ZBTB20: variants seen among roughly 807,000 people sequenced by gnomAD.
ZBTB20 encodes the protein zinc finger and BTB domain containing 20.
Under a neutral mutation model 56.9 loss-of-function variants are expected in ZBTB20, and 9 were observed. The ratio of observed to expected loss-of-function variants is 0.16; its 90% CI spans 0.10 to 0.28. ZBTB20 has a LOEUF of 0.28. Among genes scored for constraint, ZBTB20 ranks in the 10% least tolerant of loss-of-function variants. The pLI, the probability that ZBTB20 is intolerant of heterozygous loss-of-function variation, is 1.00. For synonymous variants in ZBTB20, 417 were observed against 420.7 expected (o/e 0.99, Z 0.11); for missense variants, 655 against 1,003.0 (o/e 0.65, Z 4.69).
intron 4 of ZBTB20, among the ~76,000 whole-genome samples, chr3:114,884,393 T>G (rs1295964805): frequency 6.6e-6 from 1 of 152,220 alleles, no homozygotes; most frequent in African/African-American, 2.4e-5. Context: ...GTTTTTCAAA[T>G]GTTCACAGTA....
At chr3:114,525,525 C>T (rs1203773406) in intron 6 of ZBTB20, among the ~76,000 whole-genome samples, 1 of 152,162 alleles carries the variant, frequency 6.6e-6, no homozygotes, top group Admixed American at 6.5e-5. Context: ...GGTCTTACTT[C>T]TCGGATGGTT....
At chr3:115,033,551 T>A (rs2080791318) in intron 2 of ZBTB20, among the ~76,000 whole-genome samples, 1 of 151,672 alleles carries the variant, frequency 6.6e-6, no homozygotes, top group Non-Finnish European at 1.5e-5. Context: ...GAAATCAGTA[T>A]ATCAAAGAGG....
intron 10 of ZBTB20, among the ~76,000 whole-genome samples, chr3:114,357,822 T>G (rs1350415979): frequency 6.6e-6 from 1 of 152,206 alleles, no homozygotes; most frequent in Non-Finnish European, 1.5e-5. Context: ...TCCATTTACT[T>G]AAGTTGAGCT....
chr3:114,697,828 G>A (rs1158427376), intron 5 of ZBTB20, among the ~76,000 whole-genome samples: 1 of 152,022 alleles, frequency 6.6e-6, no homozygotes, highest in Non-Finnish European at 1.5e-5. Flanking sequence ...CTTATTCAGA[G>A]AAACAGTTCT....
chr3:114,407,109 T>C (rs1306304999), intron 7 of ZBTB20, among the ~76,000 whole-genome samples: 3 of 152,192 alleles, frequency 2.0e-5, no homozygotes, highest in Non-Finnish European at 4.4e-5. Context: ...CATAGCCAAC[T>C]GGCGTCACTG....
chr3:115,123,281 T>C (rs2084234197), intron 1 of ZBTB20, among the ~76,000 whole-genome samples: 1 of 152,156 alleles, frequency 6.6e-6, no homozygotes. Flanking sequence ...TCTTTCCCTA[T>C]ACCATTTTCC....
At position 114,533,168 on chromosome 3, in the gene ZBTB20, G is replaced by C. The variant is rs959089520; in HGVS notation, c.-294-32777C>G. On this transcript the variant is annotated intron_variant, in intron 6 of 11. Coordinates refer to ENST00000675478, the MANE Select transcript of ZBTB20 (RefSeq NM_001348800.3). The stretch of plus-strand genomic sequence containing the variant: ...GAGGAATTGACAGAAGTAGGCTTCA[G>C]AAGGTGGGTAATAACGAACTCCTCT... Among the ~76,000 whole-genome samples, 8 of 152,098 alleles carry C rather than the reference G, an allele frequency of 5.3e-5. No individual in the cohort carries two copies. The South Asian group carries it at 8.3e-4, about 16-fold the overall frequency.
rs139855943 is a variant in ZBTB20 at position 114,925,225 on chromosome 3, G to A, written c.-455-24883C>T. Among the ~76,000 whole-genome samples, 1,050 of 151,676 alleles carry A rather than the reference G, an allele frequency of 6.9e-3. 10 individuals carry two copies. Among genetic ancestry groups the A allele is most frequent in the Admixed American group, 0.01 (159 of 15,240 alleles). On this transcript the variant is annotated intron_variant, in intron 3 of 11. Transcript: ENST00000675478. Reference sequence around the variant, plus strand: ...TCTCGATCTCTTGACCCTGTGATCCGCCCCCTCAGCCTCCCAAAGTGCTGA... The same window carrying A: ...TCTCGATCTCTTGACCCTGTGATCCACCCCCTCAGCCTCCCAAAGTGCTGA...
intron 6 of ZBTB20, among the ~76,000 whole-genome samples, chr3:114,556,707 A>G (rs1216925362): frequency 6.6e-6 from 1 of 152,036 alleles, no homozygotes. Flanking sequence ...ACCTAACTAT[A>G]CTTTTGGTAT....
chr3:114,382,632 T>C (rs1410479006), intron 8 of ZBTB20, among the ~76,000 whole-genome samples: 1 of 152,192 alleles, frequency 6.6e-6, no homozygotes, highest in African/African-American at 2.4e-5. Flanking sequence ...CTCCCCACAG[T>C]GAATTCCTCC....
At chr3:114,647,326 TATC>T (rs2059904295) in intron 6 of ZBTB20, among the ~76,000 whole-genome samples, 1 of 152,214 alleles carries the variant, frequency 6.6e-6, no homozygotes, top group African/African-American at 2.4e-5. Context: ...AAGGTAAAAT[TATC>T]ATAGAGAGGA....
chr3:114,412,789 T>G (rs1489431111), intron 7 of ZBTB20, among the ~76,000 whole-genome samples: 2 of 152,130 alleles, frequency 1.3e-5, no homozygotes, highest in Non-Finnish European at 2.9e-5. Context: ...TACTTCTTCT[T>G]TAGGATATCC....
intron 1 of ZBTB20, among the ~76,000 whole-genome samples, chr3:115,140,550 T>C (rs1392155026): frequency 6.6e-6 from 1 of 152,010 alleles, no homozygotes; most frequent in African/African-American, 2.4e-5. Flanking sequence ...AGTGTGTATG[T>C]GTGTGTGGTG....
intron 3 of ZBTB20, among the ~76,000 whole-genome samples, chr3:114,962,182 T>C (rs187479529): frequency 0.022 from 3,307 of 152,014 alleles, 124 homozygotes; most frequent in African/African-American, 0.076. Flanking sequence ...TGCTATATTC[T>C]TCTGGTGCTC....
rs1488239228 is a variant in ZBTB20, at chr3:114,329,503, A to G, written c.*9502T>C. ...GGAAGACAGAATGCCTGATTTCTGAAGTTTTCTTGATGGCCCAACTAAAGA... is the reference window on the plus strand; with the variant it reads ...GGAAGACAGAATGCCTGATTTCTGAGGTTTTCTTGATGGCCCAACTAAAGA... On this transcript the variant is annotated 3_prime_UTR_variant, in exon 12 of 12. Transcript: ENST00000675478. 2 of 152,052 alleles carry G rather than the reference A, an allele frequency of 1.3e-5. No individual in the cohort carries two copies. The highest frequency in any genetic ancestry group is 4.8e-5 in the African/African-American group (2 of 41,408). The allele number at this position is 152,052 out of a possible 1,614,324, so 9.4% of individuals were successfully genotyped here. A position where few individuals can be genotyped will look rare whatever the true frequency, so the allele number is the denominator to read the frequency against.
intron 3 of ZBTB20, among the ~76,000 whole-genome samples, chr3:114,928,670 A>G (rs1237248801): frequency 6.6e-6 from 1 of 152,256 alleles, no homozygotes; most frequent in Non-Finnish European, 1.5e-5. Flanking sequence ...CTACAGAGTT[A>G]AGAAGCTTGT....
chr3:114,850,092 G>A (rs926726593), intron 4 of ZBTB20, among the ~76,000 whole-genome samples: 14 of 151,808 alleles, frequency 9.2e-5, no homozygotes, highest in Non-Finnish European at 1.3e-4. Context: ...TAGAGACGAG[G>A]TTTCACCATG....
intron 3 of ZBTB20, among the ~76,000 whole-genome samples, chr3:114,940,939 T>G (rs1454777567): frequency 1.4e-5 from 2 of 146,336 alleles, no homozygotes; most frequent in Admixed American, 6.6e-5. Flanking sequence ...TAACTCATTG[T>G]TACTGATGAA....
intron 5 of ZBTB20, among the ~76,000 whole-genome samples, chr3:114,699,487 CCATCTTT>C (rs1463616535): frequency 1.3e-5 from 2 of 151,690 alleles, no homozygotes; most frequent in African/African-American, 4.8e-5. Context: ...GTCAGAAATG[CCATCTTT>C]CAGTTAATTG....
Sources: gnomAD v4.1 joint callset for allele counts (sites outside exome capture counted in the v4.1 genomes callset) on GRCh38, gnomAD v4.1.1 for gene constraint, MANE v1.5 for transcripts, NCBI Gene and HGNC (gene_info 2026-07-23, HGNC 2026-07-21) for gene names.